The following AP5Z1 variants were observed in gnomAD, a reference collection of about 807,000 sequenced individuals.
AP5Z1 encodes AP-5 complex subunit zeta-1.
AP5Z1 carries 106 observed loss-of-function variants against 83.0 expected under a neutral mutation model. That is an observed-to-expected ratio of 1.28 (90% CI 1.09 to 1.50). The LOEUF (loss-of-function observed/expected upper bound fraction) is 1.50, where lower values mean the gene tolerates loss of function less well. AP5Z1 is among the 40% of genes most tolerant of loss of function. AP5Z1 has a pLI of 0.00. For synonymous variants in AP5Z1, 751 were observed against 514.1 expected (o/e 1.46, Z -6.23); for missense variants, 1,565 against 1,094.2 (o/e 1.43, Z -6.07).
In AP5Z1 at chr7:4,793,362, C is replaced by T. The variant is rs1261722759; in HGVS notation, c.*1977C>T. On this transcript the variant is annotated 3_prime_UTR_variant, in exon 17 of 17. Transcript: ENST00000649063. ...CTAAGTGAAAGTGAGAAGTGACAGC[C>T]TGCTGGCAGTCCTCACAGCCCTCGC... is the stretch of plus-strand genomic sequence containing the variant. 1.3e-5 allele frequency: 2 copies of T among 152,514 alleles called. No homozygotes were observed. Among genetic ancestry groups the T allele is most frequent in the East Asian group, 1.9e-4 (1 of 5,196 alleles). The allele number at this position is 152,514 out of a possible 1,614,324, so 9.4% of individuals were successfully genotyped here.
intron 1 of AP5Z1, 51 bp downstream of exon 1, chr7:4,775,807 G>C (rs1329833494): frequency 3.8e-6 from 6 of 1,589,752 alleles, no homozygotes; most frequent in African/African-American, 2.7e-5. Context: ...CTCCCTAGGG[G>C]CACACGGGGG....
At chr7:4,781,357 C>G in intron 2 of AP5Z1, 45 bp downstream of exon 2, 1 of 1,608,896 alleles carries the variant, frequency 6.2e-7, no homozygotes, top group Non-Finnish European at 8.5e-7. Flanking sequence ...ACAGCGGCCC[C>G]AGGAGAACCC....
Position 4,790,494 on chromosome 7 carries a change from T to C in AP5Z1, c.1841T>C (p.Leu614Pro). ...TCTCAGTTCCTGGCCCTGTGTACGC[T>C]GAAACCCTCCCTGGTGGTGGAGCTG... ...LSSQFLALCT[L>P]KPSLVVELAR... is the part of the protein sequence containing the mutation. Residue 614 changes from leucine to proline, a missense_variant, in exon 15 of 17, where the codon CTG (leucine) becomes CCG (proline). Transcript: ENST00000649063. 1.9e-6 allele frequency: 3 copies of C among 1,613,160 alleles called. No individual in the cohort carries two copies. Among genetic ancestry groups the C allele is most frequent in the South Asian group, 1.1e-5 (1 of 91,084 alleles).
rs1221812238 is a variant in AP5Z1, at chr7:4,793,049, C to A, written c.*1664C>A. On this transcript the variant is annotated 3_prime_UTR_variant, in exon 17 of 17. Transcript: ENST00000649063. ...GCACTCGTGGGGCCACCGCCCAGGC[C>A]AGCTGGTGCTAAGTCCGCAGCCTGT... 6.6e-6 allele frequency: 1 copy of A among 152,552 alleles called. No homozygotes were observed. Among genetic ancestry groups the A allele is most frequent in the Non-Finnish European group, 1.5e-5 (1 of 68,208 alleles). 9.4% of individuals were successfully genotyped at this position (152,552 alleles called of 1,614,324 possible). A position where few individuals can be genotyped will look rare whatever the true frequency, so the allele number is the denominator to read the frequency against.
intron 16 of AP5Z1, 38 bp from the exon 17 acceptor site, chr7:4,791,077 G>A: frequency 2.0e-6 from 3 of 1,530,308 alleles, no homozygotes; most frequent in Non-Finnish European, 2.6e-6. Flanking sequence ...CCTGGGAGGG[G>A]AGCATCTGCA....
rs369223470 is a variant in AP5Z1, at chr7:4,776,244, T to G, written c.41+488T>G. Among the ~76,000 whole-genome samples, 12 of 151,524 alleles carry G rather than the reference T, an allele frequency of 7.9e-5. No homozygotes were observed. In the East Asian group the frequency reaches 1.9e-3, roughly 24 times the overall value. On this transcript the variant is annotated intron_variant, in intron 1 of 16. Coordinates refer to ENST00000649063, the MANE Select transcript of AP5Z1 (RefSeq NM_014855.3). Reference sequence around the variant, plus strand: ...AAAAGATCTCTCTTGCGCGGATGTATTAGCTAGGCTGAGAAATCACCCTCC... The same window carrying G: ...AAAAGATCTCTCTTGCGCGGATGTAGTAGCTAGGCTGAGAAATCACCCTCC...
chr7:4,783,595 A>C lies in AP5Z1; in HGVS notation c.512-94A>C, dbSNP rs1170341107. Reference sequence around the variant, plus strand: ...GCCCGAGGGTTTGGGACGCTGCAGGATTCTGTTTTCTGAGAAAAGTCGGCC... The same window carrying C: ...GCCCGAGGGTTTGGGACGCTGCAGGCTTCTGTTTTCTGAGAAAAGTCGGCC... On this transcript the variant is annotated intron_variant, in intron 4 of 16. Transcript: ENST00000649063. The C allele has an allele frequency of 2.6e-6, 4 of 1,522,104 alleles. No homozygotes were observed. The African/African-American group carries it at 5.5e-5, about 21-fold the overall frequency. 94.3% of individuals were successfully genotyped at this position (1,522,104 alleles called of 1,614,324 possible).
In AP5Z1 at chr7:4,785,750, TTC is replaced by T. The variant is rs936458161; in HGVS notation, c.1132+68_1132+69del. On this transcript the variant is annotated intron_variant, in intron 9 of 16. Coordinates refer to ENST00000649063, the MANE Select transcript of AP5Z1 (RefSeq NM_014855.3). ...TCTGCCTTTAGTTTTAGGATGGAAT[TTC>T]TTCTTCCCTTTTTTTTTTTTTTTTT... 3.6e-6 allele frequency: 5 copies of T among 1,385,974 alleles called. No homozygotes were observed. The African/African-American group carries it at 7.4e-5, about 21-fold the overall frequency. 85.9% of individuals were successfully genotyped at this position (1,385,974 alleles called of 1,614,324 possible).
At chr7:4,788,370 C>G in intron 12 of AP5Z1, 76 bp downstream of exon 12, 1 of 1,475,708 alleles carries the variant, frequency 6.8e-7, no homozygotes, top group Non-Finnish European at 9.0e-7. Flanking sequence ...GGGCTCACTG[C>G]TCAGCCCTAG....
intron 6 of AP5Z1, 26 bp from the exon 7 acceptor site, chr7:4,784,882 C>T: frequency 1.9e-6 from 3 of 1,600,466 alleles, no homozygotes; most frequent in Non-Finnish European, 2.6e-6. Flanking sequence ...ACACGTCAGC[C>T]TGCTGAGAGT....
At position 4,790,432 on chromosome 7, in the gene AP5Z1, C is replaced by A. The variant is rs1023938747; in HGVS notation, c.1806-27C>A. 7 of 1,612,676 alleles carry A rather than the reference C, an allele frequency of 4.3e-6. No homozygotes were observed. In the African/African-American group the frequency reaches 9.3e-5, roughly 22 times the overall value. On this transcript the variant is annotated intron_variant, in intron 14 of 16. Coordinates refer to ENST00000649063, the MANE Select transcript of AP5Z1 (RefSeq NM_014855.3). ...GATGGGGTCATAGGTCTGCACAGAG[C>A]AGGCGTAGACCCGGCTTTCTGGGCA...
chr7:4,787,522 C>T, intron 10 of AP5Z1, 112 bp from the exon 11 acceptor site: 4 of 1,413,582 alleles, frequency 2.8e-6, no homozygotes, highest in East Asian at 5.1e-5. Context: ...AAGGTAGAAG[C>T]CCTCCTGGGG....
At chr7:4,790,239 G>T (rs770827357) in intron 14 of AP5Z1, 26 of 1,548,188 alleles carry the variant, frequency 1.7e-5, no homozygotes, top group Non-Finnish European at 2.3e-5. Context: ...GCCCATCCTG[G>T]TTCCACTCTG....
chr7:4,784,661 G>A (rs1315974047), intron 6 of AP5Z1, among the ~76,000 whole-genome samples: 1 of 152,194 alleles, frequency 6.6e-6, no homozygotes, highest in Non-Finnish European at 1.5e-5. Flanking sequence ...TAAGGTTGTT[G>A]GAGTGACGCC....
At chr7:4,787,973 C>A (rs1781608211) in intron 11 of AP5Z1, among the ~76,000 whole-genome samples, 181 bp from the exon 12 acceptor site, 1 of 152,166 alleles carries the variant, frequency 6.6e-6, no homozygotes, top group Admixed American at 6.5e-5. Context: ...CAAGGGCAGC[C>A]CCTGCACCCT....
chr7:4,789,482 C>T lies in AP5Z1; in HGVS notation c.1708-350C>T, dbSNP rs928898173. 1.4e-3 allele frequency among the ~76,000 whole-genome samples: 206 copies of T among 152,380 alleles called. 4 individuals are homozygous for T. Among genetic ancestry groups the T allele is most frequent in the Non-Finnish European group, 3.4e-4 (23 of 68,034 alleles). On this transcript the variant is annotated intron_variant, in intron 13 of 16. Transcript: ENST00000649063. ...TCCCACCTCGGGGAGCTCTACAAGC[C>T]AGTGCAGGAGAGCCTGGGAGGTGGG...
intron 9 of AP5Z1, 73 bp from the exon 10 acceptor site, chr7:4,786,177 G>T: frequency 6.9e-7 from 1 of 1,440,914 alleles, no homozygotes; most frequent in Admixed American, 2.5e-5. Context: ...GAGACTCAGG[G>T]CCCCTAACCA....
At chr7:4,790,639 T>G in intron 15 of AP5Z1, 34 bp from the exon 16 acceptor site, 2 of 1,612,136 alleles carry the variant, frequency 1.2e-6, no homozygotes, top group African/African-American at 1.3e-5. Context: ...CCAGGAGGCC[T>G]GGGTGGGGGC....
Position 4,791,704 on chromosome 7 carries a change from G to A in AP5Z1, c.*319G>A, listed in dbSNP as rs1304864996. 13 of 439,194 alleles carry A rather than the reference G, an allele frequency of 3.0e-5. No individual in the cohort carries two copies. The highest frequency in any genetic ancestry group is 2.2e-4 in the South Asian group (5 of 22,308). 27.2% of individuals were successfully genotyped at this position (439,194 alleles called of 1,614,324 possible). ...GTCTGTTTCCTAGTCTTTTGTTTTT[G>A]GACAGTTGATGGGCAAGAAGAGCTG... On this transcript the variant is annotated 3_prime_UTR_variant, in exon 17 of 17. Coordinates refer to ENST00000649063, the MANE Select transcript of AP5Z1 (RefSeq NM_014855.3).
Sources: allele counts gnomAD v4.1 joint callset (sites outside exome capture counted in the v4.1 genomes callset), GRCh38; gene constraint gnomAD v4.1.1; transcripts MANE v1.5; gene names NCBI Gene and HGNC (gene_info 2026-07-23, HGNC 2026-07-21).